The following MOK variants were observed in gnomAD, a reference collection of about 807,000 sequenced individuals.
MOK encodes MAPK/MAK/MRK overlapping kinase.
A neutral mutation model predicts 54.2 loss-of-function variants in MOK; 59 were observed. The observed-to-expected ratio is 1.09, with a 90% confidence interval of 0.88 to 1.35. MOK has a LOEUF of 1.35. Ranked by LOEUF, MOK falls within the 40% of genes most tolerant of loss-of-function variation. MOK has a pLI of 0.00. For missense variants in MOK, 517 were observed against 526.2 expected (o/e 0.98, Z 0.17); for synonymous variants, 210 against 202.7 (o/e 1.04, Z -0.31).
At chr14:102,227,720 C>T (rs1422275615), downstream of MOK, among the ~76,000 whole-genome samples, 2 of 152,154 alleles carry the variant, frequency 1.3e-5, no homozygotes, top group Admixed American at 6.5e-5. Context: ...CACCTGTGCC[C>T]ACGGACTCGC....
chr14:102,224,813 A>C (rs114911398), downstream of MOK: 881 of 455,960 alleles, frequency 1.9e-3, 7 homozygotes, highest in African/African-American at 0.015. Flanking sequence ...AGAAATAATA[A>C]AAGACACTAA....
At position 102,251,791 on chromosome 14, in the gene MOK, G is replaced by A. The variant is rs1189513527; in HGVS notation, c.376C>T (p.His126Tyr). 1.9e-6 allele frequency: 3 copies of A among 1,572,664 alleles called. No individual in the cohort carries two copies. The highest frequency in any genetic ancestry group is 1.7e-6 in the Non-Finnish European group (2 of 1,144,480). Residue 126 changes from histidine to tyrosine, a missense_variant, in exon 6 of 12, where the codon CAC (histidine) becomes TAC (tyrosine). By Grantham distance (83) the His-to-Tyr change is moderately conservative. Coordinates refer to ENST00000361847, the MANE Select transcript of MOK (RefSeq NM_014226.3). Reference sequence around the variant, plus strand: ...ATATTTTCTGGTTTTACATCTCTGTGAAATATTCCATTTCTGCATTCAGTA... The same window carrying A: ...ATATTTTCTGGTTTTACATCTCTGTAAAATATTCCATTTCTGCATTCAGTA... ...LDHIHRNGIF[H>Y]RDVKPENILI...
rs1347236839 is a variant in MOK, at chr14:102,236,473, C to G, written c.591-2684G>C. On this transcript the variant is annotated intron_variant, in intron 7 of 11. Coordinates refer to ENST00000361847, the MANE Select transcript of MOK (RefSeq NM_014226.3). The surrounding 1 kb of genome is among the most constrained non-coding windows in gnomAD (Gnocchi z 4.5). Reference sequence around the variant, plus strand: ...TTGATACTGTTTTCCCACACTCTTTCCTTATCATGCCTCGTTGCCCTACCC... The same window carrying G: ...TTGATACTGTTTTCCCACACTCTTTGCTTATCATGCCTCGTTGCCCTACCC... Among the ~76,000 whole-genome samples, 1 of 152,198 alleles carries G rather than the reference C, an allele frequency of 6.6e-6. No homozygotes were observed. The highest frequency in any genetic ancestry group is 1.5e-5 in the Non-Finnish European group (1 of 68,032).
chr14:102,277,636 A>G (rs1205801339), intron 2 of MOK, among the ~76,000 whole-genome samples: 1 of 151,794 alleles, frequency 6.6e-6, no homozygotes, highest in Non-Finnish European at 1.5e-5. Flanking sequence ...AAAAAAAGAG[A>G]TAAACTACTG....
intron 4 of MOK, chr14:102,260,755 G>T (rs1036509244): frequency 6.6e-6 from 1 of 152,080 alleles, no homozygotes. Context: ...GATATTGAAA[G>T]AAATAGATTC....
chr14:102,221,078 C>G (rs1188127037), downstream of MOK, among the ~76,000 whole-genome samples: 1 of 152,230 alleles, frequency 6.6e-6, no homozygotes, highest in African/African-American at 2.4e-5. The surrounding 1 kb of genome is among the most constrained non-coding windows in gnomAD (Gnocchi z 4.8). Context: ...TCCCGGGAAG[C>G]TAAACTTAAC....
chr14:102,258,201 A>G (rs1225468076), intron 4 of MOK, among the ~76,000 whole-genome samples: 3 of 152,188 alleles, frequency 2.0e-5, no homozygotes, highest in East Asian at 3.9e-4. Flanking sequence ...TTAAAGCCCA[A>G]TAATGGCTTC....
At chr14:102,280,657 T>C (rs1188249151) in intron 2 of MOK, 1 of 152,248 alleles carries the variant, frequency 6.6e-6, no homozygotes, top group Non-Finnish European at 1.5e-5. Context: ...CCTTGTTAGC[T>C]TTCTGTTCAT....
At chr14:102,304,811 C>T (rs1335764360) in intron 1 of MOK, 151 bp downstream of exon 1, 12 of 805,482 alleles carry the variant, frequency 1.5e-5, no homozygotes, top group Non-Finnish European at 2.1e-5. Context: ...GATTCGGGGC[C>T]CACATGCGGA....
rs3818664 is a variant in MOK at position 102,233,780 on chromosome 14, G to A, written c.600C>T (p.Pro200=). 1 of 1,613,504 alleles carries A rather than the reference G, an allele frequency of 6.2e-7. No individual in the cohort carries two copies. The highest frequency in any genetic ancestry group is 1.3e-5 in the African/African-American group (1 of 74,910). Residue 200 remains proline (P), a synonymous_variant, in exon 8 of 12, where the codon CCC becomes CCT. Coordinates refer to ENST00000361847, the MANE Select transcript of MOK (RefSeq NM_014226.3). ...CVFYEIASLQ[P]LFPGVNELDQ... is the part of the protein sequence containing the mutation. ...CCAGTTCATTTACTCCAGGAAAGAG[G>A]GGCTGCAGACTGGAAGGGCAGAAGG...
intron 7 of MOK, among the ~76,000 whole-genome samples, chr14:102,247,010 CAG>C (rs1426590665): frequency 1.3e-5 from 2 of 152,108 alleles, no homozygotes; most frequent in African/African-American, 4.8e-5. Flanking sequence ...AACAAAAACT[CAG>C]AGTACTGCAA....
chr14:102,223,018 G>T (rs1410493434), downstream of MOK: 4 of 1,036,548 alleles, frequency 3.9e-6, no homozygotes, highest in Non-Finnish European at 4.4e-6. Flanking sequence ...CGTGTGGACG[G>T]TGACCGGCTC....
At chr14:102,262,083 C>T (rs527359329) in intron 4 of MOK, among the ~76,000 whole-genome samples, 4 of 151,918 alleles carry the variant, frequency 2.6e-5, no homozygotes, top group East Asian at 3.9e-4. Flanking sequence ...CCTCGTGATC[C>T]GCCTGCCTCA....
rs77217150 is a variant in MOK, at chr14:102,236,607, A to C, written c.591-2818T>G. ...CAACCGGAGTCCCTCCTACTCCTCTATGCGAGTCCAGCCCCTGACCCCTCT... is the reference window on the plus strand; with the variant it reads ...CAACCGGAGTCCCTCCTACTCCTCTCTGCGAGTCCAGCCCCTGACCCCTCT... On this transcript the variant is annotated intron_variant, in intron 7 of 11. Transcript: ENST00000361847. This position sits in a 1 kb window ranked among gnomAD's most constrained non-coding sequence, Gnocchi z 4.5. Among the ~76,000 whole-genome samples, 18,249 of 151,936 alleles carry C rather than the reference A, an allele frequency of 0.12. 1,144 individuals are homozygous for C. Among genetic ancestry groups the C allele is most frequent in the South Asian group, 0.15 (737 of 4,808 alleles).
chr14:102,289,380 G>T (rs149861570), intron 1 of MOK, among the ~76,000 whole-genome samples: 1 of 152,114 alleles, frequency 6.6e-6, no homozygotes, highest in Non-Finnish European at 1.5e-5. Context: ...GAATATGCAC[G>T]TCTACAAATC....
chr14:102,265,539 G>A (rs1183465938), intron 3 of MOK, among the ~76,000 whole-genome samples: 1 of 152,160 alleles, frequency 6.6e-6, no homozygotes, highest in African/African-American at 2.4e-5. Context: ...GGCTGAGGCA[G>A]GAGATGGCTT....
chr14:102,294,254 G>A (rs1224176861), intron 1 of MOK, among the ~76,000 whole-genome samples: 1 of 152,036 alleles, frequency 6.6e-6, no homozygotes, highest in Non-Finnish European at 1.5e-5. Flanking sequence ...ACACCATCCT[G>A]GCTAACATGG....
downstream of MOK, chr14:102,224,781 A>G (rs1218655160): frequency 2.2e-6 from 1 of 455,982 alleles, no homozygotes; most frequent in Non-Finnish European, 4.4e-6. Flanking sequence ...GCCATGAACT[A>G]TGGAGTGAGT....
At position 102,283,498 on chromosome 14, in the gene MOK, T is replaced by C. The variant is rs1431671075; in HGVS notation, c.102A>G (p.Gln34=). The part of the protein sequence containing the change: ...LRDGNYYACK[Q]MKQRFESIEQ... The stretch of plus-strand genomic sequence containing the variant: ...CCTACCTTTCAAAGCGCTGCTTCAT[T>C]TGTTTACATGCATAGTAGTTTCCAT... The change falls in exon 2 of 12, where the codon CAA becomes CAG. Residue 34 remains glutamine, a synonymous_variant. Transcript: ENST00000361847. The C allele has an allele frequency of 2.5e-6, 4 of 1,611,688 alleles. No individual in the cohort carries two copies. In the South Asian group the frequency reaches 4.4e-5, roughly 18 times the overall value.
Sources: gnomAD v4.1 joint callset for allele counts (sites outside exome capture counted in the v4.1 genomes callset) on GRCh38, gnomAD v4.1.1 for gene constraint, Gnocchi (gnomAD v3.1) non-coding constraint, MANE v1.5 for transcripts, NCBI Gene and HGNC (gene_info 2026-07-23, HGNC 2026-07-21) for gene names.